The following CHRM3 variants were observed in gnomAD, a reference collection of about 807,000 sequenced individuals.
CHRM3 encodes the protein muscarinic acetylcholine receptor M3.
Under a neutral mutation model 41.8 loss-of-function variants are expected in CHRM3, and 11 were observed. That is an observed-to-expected ratio of 0.26 (90% CI 0.17 to 0.44). The LOEUF (loss-of-function observed/expected upper bound fraction) is 0.44. CHRM3 is among the 20% of genes least tolerant of loss of function. The pLI is 1.00. For synonymous variants in CHRM3, 297 were observed against 301.4 expected, an observed-to-expected ratio of 0.99 and a Z score of 0.15; for missense variants, 571 against 745.4, an observed-to-expected ratio of 0.77 and a Z score of 2.72.
chr1:239,714,512 C>T (rs1054708750), intron 5 of CHRM3, among the ~76,000 whole-genome samples: 2 of 152,138 alleles, frequency 1.3e-5, no homozygotes, highest in African/African-American at 4.8e-5. Flanking sequence ...CAGAAGACAG[C>T]TTGTGCCAAG....
At chr1:239,682,742 T>C (rs1658690686) in intron 5 of CHRM3, among the ~76,000 whole-genome samples, 1 of 152,176 alleles carries the variant, frequency 6.6e-6, no homozygotes, top group Non-Finnish European at 1.5e-5. Context: ...GTTTGTATTA[T>C]TTTATGTTAA....
At chr1:239,503,560 T>C (rs1303079159) in intron 2 of CHRM3, among the ~76,000 whole-genome samples, 3 of 151,498 alleles carry the variant, frequency 2.0e-5, no homozygotes, top group Non-Finnish European at 2.9e-5. Context: ...AAAAAAAAAT[T>C]CTAAAAATAA....
At chr1:239,674,337 G>A (rs1359298715) in intron 4 of CHRM3, among the ~76,000 whole-genome samples, 1 of 152,070 alleles carries the variant, frequency 6.6e-6, no homozygotes, top group Non-Finnish European at 1.5e-5. Context: ...TTTTGCAAAT[G>A]TCATCTTCAT....
At chr1:239,900,782 G>A (rs1679483468) in intron 6 of CHRM3, among the ~76,000 whole-genome samples, 1 of 152,088 alleles carries the variant, frequency 6.6e-6, no homozygotes, top group Non-Finnish European at 1.5e-5. Context: ...AGTAGAACTA[G>A]GATTTCTTAT....
chr1:239,839,802 G>GT (rs1277355206), intron 6 of CHRM3, among the ~76,000 whole-genome samples: 4 of 151,292 alleles, frequency 2.6e-5, no homozygotes, highest in Admixed American at 6.6e-5. Context: ...TGGCGGGGCG[G>GT]GGGGGGAGCG....
chr1:239,562,887 C>CAA (rs1661007474), intron 3 of CHRM3, among the ~76,000 whole-genome samples: 1 of 125,664 alleles, frequency 8.0e-6, no homozygotes, highest in African/African-American at 3.2e-5. Context: ...AACTCTGTCT[C>CAA]CAAAAAAAAA....
chr1:239,437,702 G>C (rs1309591487), intron 1 of CHRM3, among the ~76,000 whole-genome samples: 1 of 151,798 alleles, frequency 6.6e-6, no homozygotes, highest in Non-Finnish European at 1.5e-5. Context: ...CCCTCTTATT[G>C]GGCCTGTGCA....
At chr1:239,749,296 A>G (rs1020724611) in intron 5 of CHRM3, among the ~76,000 whole-genome samples, 3 of 152,136 alleles carry the variant, frequency 2.0e-5, no homozygotes, top group African/African-American at 7.2e-5. Flanking sequence ...CTTGGGTATA[A>G]TATTTCAGAT....
intron 5 of CHRM3, among the ~76,000 whole-genome samples, chr1:239,732,196 T>C (rs860928): frequency 5.9e-5 from 9 of 151,680 alleles, no homozygotes; most frequent in African/African-American, 1.7e-4. Context: ...TAATATCTCA[T>C]TTAGATAAGT....
intron 5 of CHRM3, among the ~76,000 whole-genome samples, chr1:239,808,788 A>T (rs1353106662): frequency 6.6e-6 from 1 of 152,184 alleles, no homozygotes; most frequent in Non-Finnish European, 1.5e-5. Context: ...GTGAGAATTA[A>T]ATCAGCACTC....
At chr1:239,889,899 A>G (rs1678402359) in intron 6 of CHRM3, among the ~76,000 whole-genome samples, 1 of 152,194 alleles carries the variant, frequency 6.6e-6, no homozygotes, top group Non-Finnish European at 1.5e-5. Context: ...AGTTTCTGGT[A>G]TATCTGTCAC....
intron 5 of CHRM3, among the ~76,000 whole-genome samples, chr1:239,807,083 C>G (rs555939550): frequency 1.3e-5 from 2 of 152,038 alleles, no homozygotes; most frequent in South Asian, 4.1e-4. Context: ...CATCCAAAAG[C>G]AAAATGTGAT....
At chr1:239,415,143 A>G (rs1332374286) in intron 1 of CHRM3, among the ~76,000 whole-genome samples, 1 of 152,238 alleles carries the variant, frequency 6.6e-6, no homozygotes, top group African/African-American at 2.4e-5. Flanking sequence ...AAGTTTTTTT[A>G]TACATGATAC....
At chr1:239,897,469 T>G (rs1679105114) in intron 6 of CHRM3, among the ~76,000 whole-genome samples, 1 of 152,228 alleles carries the variant, frequency 6.6e-6, no homozygotes, top group African/African-American at 2.4e-5. Flanking sequence ...TCAGAATAAC[T>G]TCCACAGTTA....
In CHRM3 at chr1:239,567,483, G is replaced by A. The variant is rs76102573; in HGVS notation, c.-313+21734G>A. ...CATTTTTTTCTCAATACAACAATAC[G>A]GTAGATATGCAGGGTAAAAAAACAC... On this transcript the variant is annotated intron_variant, in intron 3 of 6. Coordinates refer to ENST00000676153, the MANE Select transcript of CHRM3 (RefSeq NM_001375978.1). Among the ~76,000 whole-genome samples the A allele has an allele frequency of 2.7e-3, 410 of 151,984 alleles. 7 individuals are homozygous for A. In the East Asian group the frequency reaches 0.032, roughly 12 times the overall value.
chr1:239,908,471 T>A lies in CHRM3; in HGVS notation c.1020T>A (p.Asn340Lys). 1 of 1,611,640 alleles carries A rather than the reference T, an allele frequency of 6.2e-7. No homozygotes were observed. Among genetic ancestry groups the A allele is most frequent in the Non-Finnish European group, 8.5e-7 (1 of 1,178,782 alleles). The change falls in exon 7 of 7, where the codon AAT becomes AAA. Residue 340 changes from asparagine to lysine, a missense_variant. Asn to Lys is a moderately conservative substitution (Grantham distance 94). Around this residue, in one of 5 missense-constraint regions of CHRM3, gnomAD observed 239 missense variants for 239.6 expected, o/e 1.00. Transcript: ENST00000676153. This position sits in a 1 kb window ranked among gnomAD's most constrained non-coding sequence, Gnocchi z 7.2. ...GCAGCAGTGACAGTTGGAACAACAATGATGCTGCTGCCTCCCTGGAGAACT... is the reference window on the plus strand; with the variant it reads ...GCAGCAGTGACAGTTGGAACAACAAAGATGCTGCTGCCTCCCTGGAGAACT... ...DHSSSDSWNN[N>K]DAAASLENSA...
At position 239,908,142 on chromosome 1, in the gene CHRM3, A is replaced by G. The variant is rs369788173; in HGVS notation, c.691A>G (p.Ile231Val). ...CATTCAGTTCCTCAGTGAGCCCACC[A>G]TTACTTTTGGCACAGCCATCGCTGC... ...CFIQFLSEPT[I>V]TFGTAIAAFY... Residue 231 changes from isoleucine to valine, a missense_variant, in exon 7 of 7, where the codon ATT becomes GTT. Physicochemically the swap from Ile to Val is conservative, Grantham distance 29. Coordinates refer to ENST00000676153, the MANE Select transcript of CHRM3 (RefSeq NM_001375978.1). This position sits in a 1 kb window ranked among gnomAD's most constrained non-coding sequence, Gnocchi z 7.2. 6.2e-7 allele frequency: 1 copy of G among 1,614,078 alleles called. No homozygotes were observed. Among genetic ancestry groups the G allele is most frequent in the South Asian group, 1.1e-5 (1 of 91,090 alleles).
intron 6 of CHRM3, among the ~76,000 whole-genome samples, chr1:239,893,873 T>C (rs909623137): frequency 3.3e-5 from 5 of 152,232 alleles, no homozygotes; most frequent in Admixed American, 6.5e-5. Flanking sequence ...TAGCCATGTA[T>C]AAAATTCTTT....
intron 1 of CHRM3, among the ~76,000 whole-genome samples, chr1:239,451,364 A>G (rs1461887421): frequency 1.3e-5 from 2 of 152,240 alleles, no homozygotes; most frequent in Admixed American, 1.3e-4. Context: ...ATTGCCAAGA[A>G]TTAGTATTTA....
Sources: allele counts gnomAD v4.1 joint callset (sites outside exome capture counted in the v4.1 genomes callset), GRCh38; gene constraint gnomAD v4.1.1; regional missense constraint gnomAD v4.1.1; non-coding constraint Gnocchi (gnomAD v3.1); transcripts MANE v1.5; gene names NCBI Gene and HGNC (gene_info 2026-07-23, HGNC 2026-07-21).